The following TCF7L2 variants were observed in gnomAD, a reference collection of about 807,000 sequenced individuals.
TCF7L2 encodes transcription factor 7 like 2, also known as transcription factor 7-like 2.
A neutral mutation model predicts 77.9 loss-of-function variants in TCF7L2; 23 were observed. The observed-to-expected ratio is 0.30, with a 90% CI of 0.21 to 0.42. TCF7L2 has a LOEUF of 0.42. Ranked by LOEUF, TCF7L2 falls within the 10% of genes least tolerant of loss-of-function variation. The pLI is 1.00. For missense variants in TCF7L2, 654 were observed against 793.1 expected, an observed-to-expected ratio of 0.82 and a Z score of 2.11; for synonymous variants, 413 against 340.2, an observed-to-expected ratio of 1.21 and a Z score of -2.36.
At chr10:113,058,157 T>C (rs528441099) in intron 5 of TCF7L2, among the ~76,000 whole-genome samples, 18 of 152,356 alleles carry the variant, frequency 1.2e-4, no homozygotes, top group African/African-American at 4.1e-4. Flanking sequence ...CCCTAGGGAT[T>C]CTGTCTTTCA....
In TCF7L2 at chr10:112,951,554, G is replaced by A. The variant is rs2031291168; in HGVS notation, c.328G>A (p.Asp110Asn). Residue 110 changes from aspartate (D) to asparagine (N), a missense_variant, in exon 3 of 14, where the codon GAC (aspartate) becomes AAC (asparagine). Coordinates refer to ENST00000627217, the MANE Select transcript of TCF7L2 (RefSeq NM_001146274.2). ...CGGCTACCCCTTCATCATGATCCCC[G>A]ACCTGACGAGCCCCTACCTCCCCAA... The A allele has an allele frequency of 7.1e-7, 1 of 1,403,074 alleles. No individual in the cohort carries two copies. The highest frequency in any genetic ancestry group is 9.5e-7 in the Non-Finnish European group (1 of 1,053,330). 86.9% of individuals were successfully genotyped at this position (1,403,074 alleles called of 1,614,324 possible). A position where few individuals can be genotyped will look rare whatever the true frequency, so the allele number is the denominator to read the frequency against.
chr10:113,087,779 T>G (rs1025432208), intron 5 of TCF7L2, among the ~76,000 whole-genome samples: 2 of 152,190 alleles, frequency 1.3e-5, no homozygotes, highest in Non-Finnish European at 2.9e-5. Context: ...GCTCCAGTTA[T>G]GGGGCAGCAA....
At chr10:113,063,695 G>A (rs1048733739) in intron 5 of TCF7L2, among the ~76,000 whole-genome samples, 2 of 152,110 alleles carry the variant, frequency 1.3e-5, no homozygotes, top group Non-Finnish European at 2.9e-5. Flanking sequence ...CCACACCCGG[G>A]TGATTCCTTG....
chr10:113,029,749 A>ATTG (rs1270036728), intron 4 of TCF7L2, among the ~76,000 whole-genome samples: 1 of 151,952 alleles, frequency 6.6e-6, no homozygotes, highest in Non-Finnish European at 1.5e-5. Context: ...CTGGTCACAC[A>ATTG]AACTCCTGAC....
intron 5 of TCF7L2, among the ~76,000 whole-genome samples, chr10:113,105,199 A>G (rs1321806370): frequency 6.6e-6 from 1 of 152,176 alleles, no homozygotes; most frequent in Admixed American, 6.5e-5. Flanking sequence ...CTTCTGTGCC[A>G]GGCAGGGTTC....
chr10:113,080,043 C>G (rs933409727), intron 5 of TCF7L2, among the ~76,000 whole-genome samples: 1 of 151,908 alleles, frequency 6.6e-6, no homozygotes, highest in South Asian at 2.1e-4. Flanking sequence ...CCTCTGTACA[C>G]ACACACATGC....
rs184635273 is a variant in TCF7L2, at chr10:112,995,376, G to T, written c.450+30752G>T. 1.3e-3 allele frequency among the ~76,000 whole-genome samples: 198 copies of T among 152,264 alleles called. 1 individual carries two copies. The highest frequency in any genetic ancestry group is 1.4e-3 in the Non-Finnish European group (98 of 68,024). ...AGTCTCCTGACAGTGGCTGGAGTTC[G>T]TTGCTTGGTTGTTGTTTCTCTGTCT... On this transcript the variant is annotated intron_variant, in intron 4 of 13. Coordinates refer to ENST00000627217, the MANE Select transcript of TCF7L2 (RefSeq NM_001146274.2).
At chr10:113,161,666 C>G in intron 13 of TCF7L2, 1 of 1,517,362 alleles carries the variant, frequency 6.6e-7, no homozygotes. Flanking sequence ...TCACGTGTCC[C>G]TCCCCTTCAT....
chr10:112,962,603 AT>A (rs1408172341), intron 3 of TCF7L2, among the ~76,000 whole-genome samples: 1 of 151,958 alleles, frequency 6.6e-6, no homozygotes, highest in East Asian at 1.9e-4. Context: ...ATTTATTTTT[AT>A]TTTTTATTTT....
At chr10:113,027,684 C>T (rs142941983) in intron 4 of TCF7L2, among the ~76,000 whole-genome samples, 1 of 152,128 alleles carries the variant, frequency 6.6e-6, no homozygotes, top group Non-Finnish European at 1.5e-5. Flanking sequence ...TAAAGGAAAC[C>T]GCAGGCAGGG....
chr10:112,989,796 T>G (rs2042204226), intron 4 of TCF7L2, among the ~76,000 whole-genome samples: 1 of 152,182 alleles, frequency 6.6e-6, no homozygotes, highest in South Asian at 2.1e-4. Flanking sequence ...GAGATTTAGA[T>G]CTAAAATGTT....
chr10:113,161,792 G>A (rs112265082), intron 13 of TCF7L2, among the ~76,000 whole-genome samples: 5 of 152,250 alleles, frequency 3.3e-5, no homozygotes, highest in African/African-American at 9.6e-5. Context: ...ACGAGAGATC[G>A]GTGAAGTGCC....
rs1830472890 is a variant in TCF7L2 at position 113,166,179 on chromosome 10, A to G, written c.*207A>G. On this transcript the variant is annotated 3_prime_UTR_variant, in exon 14 of 14. Coordinates refer to ENST00000627217, the MANE Select transcript of TCF7L2 (RefSeq NM_001146274.2). ...TCCTTTTAAATATGTAGATGAGAGAAGAACCTCATGATTCTACCAAAATTT... is the reference window on the plus strand; with the variant it reads ...TCCTTTTAAATATGTAGATGAGAGAGGAACCTCATGATTCTACCAAAATTT... 1 of 450,954 alleles carries G rather than the reference A, an allele frequency of 2.2e-6. No individual in the cohort carries two copies. The allele number at this position is 450,954 out of a possible 1,614,324, so 27.9% of individuals were successfully genotyped here.
At position 113,108,596 on chromosome 10, in the gene TCF7L2, G is replaced by A. The variant is rs536565890; in HGVS notation, c.553-32588G>A. The stretch of plus-strand genomic sequence containing the variant: ...GCTTTTCTAGGTTTGCATTATCCCT[G>A]AGGAACCCCCTAGCCTGAGAGGTTG... On this transcript the variant is annotated intron_variant, in intron 5 of 13. Coordinates refer to ENST00000627217, the MANE Select transcript of TCF7L2 (RefSeq NM_001146274.2). Among the ~76,000 whole-genome samples the A allele has an allele frequency of 5.3e-5, 8 of 152,262 alleles. No individual in the cohort carries two copies. The East Asian group carries it at 1.4e-3, about 26-fold the overall frequency.
At chr10:113,046,441 C>A (rs1045003312) in intron 5 of TCF7L2, among the ~76,000 whole-genome samples, 1 of 152,074 alleles carries the variant, frequency 6.6e-6, no homozygotes, top group African/African-American at 2.4e-5. Context: ...ACAATATGAA[C>A]TCTTAAGAGA....
intron 5 of TCF7L2, among the ~76,000 whole-genome samples, chr10:113,053,298 C>A (rs1447645468): frequency 6.6e-6 from 1 of 152,106 alleles, no homozygotes; most frequent in Non-Finnish European, 1.5e-5. Context: ...CGGAGGCCAG[C>A]AGGGTTGGGC....
chr10:112,995,592 G>T (rs553325836), intron 4 of TCF7L2, among the ~76,000 whole-genome samples: 1 of 152,246 alleles, frequency 6.6e-6, no homozygotes, highest in South Asian at 2.1e-4. Flanking sequence ...TCAGAACAAG[G>T]GATTGATCTA....
intron 5 of TCF7L2, among the ~76,000 whole-genome samples, chr10:113,074,887 A>G (rs1396165319): frequency 1.3e-5 from 2 of 152,192 alleles, no homozygotes; most frequent in Non-Finnish European, 2.9e-5. Context: ...GGATGCTGCT[A>G]GGGCAACCCC....
At chr10:113,141,035 G>A (rs756956945) in intron 5 of TCF7L2, 149 bp from the exon 6 acceptor site, 1 of 890,196 alleles carries the variant, frequency 1.1e-6, no homozygotes, top group Non-Finnish European at 1.7e-6. Context: ...CACATGGACT[G>A]GGGGGAGTAT....
Sources: allele counts gnomAD v4.1 joint callset (sites outside exome capture counted in the v4.1 genomes callset), GRCh38; gene constraint gnomAD v4.1.1; transcripts MANE v1.5; gene names NCBI Gene and HGNC (gene_info 2026-07-23, HGNC 2026-07-21).